CFAP47: variants seen among roughly 807,000 people sequenced by gnomAD.
CFAP47 encodes cilia and flagella associated protein 47, also known as cilia- and flagella-associated protein 47.
Under a neutral mutation model 148.1 loss-of-function variants are expected in CFAP47, and 29 were observed. The observed-to-expected ratio is 0.20, with a 90% CI of 0.15 to 0.27. The LOEUF (loss-of-function observed/expected upper bound fraction) is 0.27. Ranked by LOEUF, CFAP47 falls within the 10% of genes least tolerant of loss-of-function variation. The pLI, the probability that CFAP47 is intolerant of heterozygous loss-of-function variation, is 1.00. For synonymous variants in CFAP47, 664 were observed against 577.3 expected (o/e 1.15, Z -2.15); for missense variants, 1,872 against 1,697.5 (o/e 1.10, Z -1.81).
chrX:36,183,255 G>C (rs1416064847), intron 40 of CFAP47, among the ~76,000 whole-genome samples: 1 of 111,150 alleles, frequency 9.0e-6, no homozygotes, highest in African/African-American at 3.3e-5. Flanking sequence ...GGTGGCAGAG[G>C]TTGCAGTGAG....
intron 57 of CFAP47, among the ~76,000 whole-genome samples, chrX:36,343,026 T>C (rs782552101): frequency 7.5e-4 from 84 of 111,353 alleles, no homozygotes; most frequent in Non-Finnish European, 1.3e-3. Flanking sequence ...TATGTTCTCA[T>C]TGTTCAACTC....
At chrX:36,075,730 T>A (rs918595545) in intron 29 of CFAP47, among the ~76,000 whole-genome samples, 1 of 111,429 alleles carries the variant, frequency 9.0e-6, no homozygotes, top group Admixed American at 9.6e-5. Context: ...TTTGTGGCCA[T>A]CTTTTTGTTC....
chrX:36,024,618 C>T (rs186247793), intron 22 of CFAP47, among the ~76,000 whole-genome samples: 182 of 111,388 alleles, frequency 1.6e-3, no homozygotes, highest in African/African-American at 5.3e-3. Context: ...ACTCAGTTTT[C>T]GACTACTGGG....
At chrX:36,094,856 T>C (rs1938246851) in intron 30 of CFAP47, among the ~76,000 whole-genome samples, 1 of 111,273 alleles carries the variant, frequency 9.0e-6, no homozygotes, top group African/African-American at 3.3e-5. Context: ...CTAATTTGTA[T>C]GCTCCTTATT....
chrX:35,932,178 T>C (rs958833022), intron 2 of CFAP47, among the ~76,000 whole-genome samples: 2 of 109,663 alleles, frequency 1.8e-5, no homozygotes, highest in African/African-American at 6.6e-5. Flanking sequence ...CCCCCCAAGT[T>C]GCTTGGACTA....
chrX:36,246,582 T>G (rs1164531306), intron 48 of CFAP47, among the ~76,000 whole-genome samples: 3 of 111,292 alleles, frequency 2.7e-5, no homozygotes, highest in African/African-American at 9.8e-5. Flanking sequence ...GAGAATTCAC[T>G]CGCTGTCATG....
chrX:36,271,155 A>G (rs913659845), intron 49 of CFAP47, among the ~76,000 whole-genome samples: 1 of 112,022 alleles, frequency 8.9e-6, no homozygotes, highest in African/African-American at 3.2e-5. Flanking sequence ...TCTTGCTTCA[A>G]TGATTTTATA....
chrX:36,357,405 C>T (rs1556018596), intron 60 of CFAP47, among the ~76,000 whole-genome samples: 1 of 111,565 alleles, frequency 9.0e-6, no homozygotes, highest in Non-Finnish European at 1.9e-5. Flanking sequence ...ACTGTGCTCT[C>T]TTCATCCTTA....
At chrX:36,302,938 A>G (rs1278174645) in intron 53 of CFAP47, among the ~76,000 whole-genome samples, 1 of 112,218 alleles carries the variant, frequency 8.9e-6, no homozygotes, top group Non-Finnish European at 1.9e-5. Flanking sequence ...AAAATAGAGA[A>G]CCAAGGATTA....
chrX:36,082,084 T>C (rs1410351412), intron 29 of CFAP47, among the ~76,000 whole-genome samples: 5 of 111,866 alleles, frequency 4.5e-5, no homozygotes, highest in African/African-American at 1.6e-4. Flanking sequence ...AACCCTAGTT[T>C]TATTTTTATT....
chrX:36,145,175 A>G (rs753668086), intron 35 of CFAP47, 44 bp from the exon 36 acceptor site: 1 of 295,281 alleles, frequency 3.4e-6, no homozygotes, highest in Non-Finnish European at 5.9e-6. Context: ...GTAGAACTCT[A>G]ACTAATGCAT....
chrX:36,349,420 G>A (rs782779946), intron 58 of CFAP47, among the ~76,000 whole-genome samples: 70 of 110,628 alleles, frequency 6.3e-4, no homozygotes, highest in African/African-American at 2.2e-3. Flanking sequence ...GTGCCACCAC[G>A]CCTGGCTAAT....
At chrX:36,232,868 A>G (rs1940388407) in intron 46 of CFAP47, among the ~76,000 whole-genome samples, 1 of 111,901 alleles carries the variant, frequency 8.9e-6, no homozygotes, top group African/African-American at 3.3e-5. Flanking sequence ...TCATTTCGTT[A>G]TGTATCCAGT....
intron 48 of CFAP47, among the ~76,000 whole-genome samples, chrX:36,238,349 C>A (rs1045540266): frequency 6.2e-5 from 7 of 112,371 alleles, no homozygotes; most frequent in Admixed American, 2.8e-4. Context: ...GTGACGCCTC[C>A]CCAGCCACAT....
chrX:36,134,657 A>G (rs746863955), intron 33 of CFAP47, among the ~76,000 whole-genome samples: 5 of 111,489 alleles, frequency 4.5e-5, no homozygotes, highest in Non-Finnish European at 9.4e-5. Flanking sequence ...ATCTAAATGT[A>G]AACCCACACA....
At chrX:36,022,836 A>T (rs997061551) in intron 22 of CFAP47, among the ~76,000 whole-genome samples, 2 of 111,254 alleles carry the variant, frequency 1.8e-5, no homozygotes, top group African/African-American at 6.5e-5. Context: ...CTCTTTGTTA[A>T]TCTTATCTAT....
At chrX:35,938,577 G>T (rs958286408) in intron 2 of CFAP47, among the ~76,000 whole-genome samples, 1 of 110,887 alleles carries the variant, frequency 9.0e-6, no homozygotes, top group African/African-American at 3.3e-5. Flanking sequence ...CTTTTATTTA[G>T]TTAGCATGTT....
intron 33 of CFAP47, among the ~76,000 whole-genome samples, chrX:36,117,267 T>A (rs188460129): frequency 1.8e-5 from 2 of 111,688 alleles, no homozygotes; most frequent in Non-Finnish European, 3.8e-5. Flanking sequence ...TGGGTATATA[T>A]CCAGCAGTGG....
intron 29 of CFAP47, among the ~76,000 whole-genome samples, chrX:36,082,227 A>C (rs7060495): frequency 0.19 from 21,370 of 110,298 alleles, 2,508 homozygotes; most frequent in African/African-American, 0.41. Context: ...ATAAGTCAAT[A>C]TAACAGGCCT....
Sources: gnomAD v4.1 joint callset for allele counts (sites outside exome capture counted in the v4.1 genomes callset) on GRCh38, gnomAD v4.1.1 for gene constraint, MANE v1.5 for transcripts, NCBI Gene and HGNC (gene_info 2026-07-23, HGNC 2026-07-21) for gene names.